Variants in SH3TC2 observed in about 807,000 individuals in gnomAD.
SH3TC2 encodes SH3 domain and tetratricopeptide repeats 2, also known as SH3 domain and tetratricopeptide repeat-containing protein 2.
A neutral mutation model predicts 124.5 loss-of-function variants in SH3TC2; 87 were observed. The ratio of observed to expected loss-of-function variants is 0.70; its 90% CI spans 0.59 to 0.84. The LOEUF is 0.84. Ranked by LOEUF, SH3TC2 falls within the 40% of genes least tolerant of loss-of-function variation. The pLI is 0.00. For missense variants in SH3TC2, 1,536 were observed against 1,566.4 expected, an observed-to-expected ratio of 0.98 and a Z score of 0.33; for synonymous variants, 634 against 628.5, an observed-to-expected ratio of 1.01 and a Z score of -0.13.
intron 8 of SH3TC2, among the ~76,000 whole-genome samples, chr5:149,037,187 C>T (rs190661002): frequency 6.6e-6 from 1 of 152,180 alleles, no homozygotes; most frequent in Non-Finnish European, 1.5e-5. Context: ...CAAGCACTGA[C>T]TCACTTTCCT....
chr5:149,027,177 A>ACCCG lies in SH3TC2; in HGVS notation c.2551_2554dup (p.Val852AlafsTer24), dbSNP rs1754081385. 1.9e-6 allele frequency: 3 copies of ACCCG among 1,614,100 alleles called. No homozygotes were observed. The highest frequency in any genetic ancestry group is 2.5e-6 in the Non-Finnish European group (3 of 1,180,006). ...AAGATAGCTCTTGGCTGCCCTGTTC[A>ACCCG]CCCGGCCTTCACCTTGGAGTGCAAG... On this transcript the variant is annotated frameshift_variant, in exon 11 of 17. Transcript: ENST00000515425. LOFTEE classifies it high-confidence loss of function.
At chr5:149,062,910 G>C in intron 1 of SH3TC2, 61 bp downstream of exon 1, 1 of 1,494,226 alleles carries the variant, frequency 6.7e-7, no homozygotes, top group East Asian at 2.4e-5. Flanking sequence ...AGGTCCCTGA[G>C]CCTCTACTGG....
chr5:148,993,282 T>G lies in SH3TC2; in HGVS notation c.*11429A>C, dbSNP rs1039805332. Among the ~76,000 whole-genome samples, 4 of 152,168 alleles carry G rather than the reference T, an allele frequency of 2.6e-5. No homozygotes were observed. The highest frequency in any genetic ancestry group is 9.7e-5 in the African/African-American group (4 of 41,444). ...AAATTTGACTTAGTAGAAATAAAAC[T>G]ACGATGGAAAATTCAGTGGCAGAAG... On this transcript the variant is annotated 3_prime_UTR_variant, in exon 17 of 17. Transcript: ENST00000515425.
Position 148,995,612 on chromosome 5 carries a change from G to A in SH3TC2, c.*9099C>T, listed in dbSNP as rs908042849. On this transcript the variant is annotated 3_prime_UTR_variant, in exon 17 of 17. Transcript: ENST00000515425. ...CTCAATCACTCATGAGCAATAAGTAGTTATATTATAGTTTTAAAACTTTCT... is the reference window on the plus strand; with the variant it reads ...CTCAATCACTCATGAGCAATAAGTAATTATATTATAGTTTTAAAACTTTCT... 7.2e-5 allele frequency among the ~76,000 whole-genome samples: 11 copies of A among 152,170 alleles called. No homozygotes were observed. Among genetic ancestry groups the A allele is most frequent in the African/African-American group, 2.7e-4 (11 of 41,436 alleles).
chr5:149,049,955 T>C (rs1754529029), intron 2 of SH3TC2, among the ~76,000 whole-genome samples: 1 of 152,202 alleles, frequency 6.6e-6, no homozygotes, highest in Non-Finnish European at 1.5e-5. Context: ...TGATCATGAC[T>C]ATTAACCTTG....
In SH3TC2 at chr5:148,996,567, G is replaced by A. The variant is rs1302495025; in HGVS notation, c.*8144C>T. 6.6e-6 allele frequency among the ~76,000 whole-genome samples: 1 copy of A among 152,134 alleles called. No homozygotes were observed. The highest frequency in any genetic ancestry group is 6.5e-5 in the Admixed American group (1 of 15,280). On this transcript the variant is annotated 3_prime_UTR_variant, in exon 17 of 17. Transcript: ENST00000515425. Reference sequence around the variant, plus strand: ...ACCACGCAGCTGTTATTTCAGCCTAGCCCGTGGCAGCTCCCCTGAGGAGGA... The same window carrying A: ...ACCACGCAGCTGTTATTTCAGCCTAACCCGTGGCAGCTCCCCTGAGGAGGA...
In SH3TC2 at chr5:148,988,001, C is replaced by T. The variant is rs1016422956; in HGVS notation, c.*16710G>A. Reference sequence around the variant, plus strand: ...CAAGGAAGTGCCGAGAATGCTGTTGCACCTCCTCTGGCCAAGGACAGAGAG... The same window carrying T: ...CAAGGAAGTGCCGAGAATGCTGTTGTACCTCCTCTGGCCAAGGACAGAGAG... On this transcript the variant is annotated 3_prime_UTR_variant, in exon 17 of 17. Transcript: ENST00000515425. Among the ~76,000 whole-genome samples the T allele has an allele frequency of 6.6e-6, 1 of 152,154 alleles. No individual in the cohort carries two copies. The highest frequency in any genetic ancestry group is 6.5e-5 in the Admixed American group (1 of 15,270).
In SH3TC2 at chr5:149,004,431, GGAGAAAGTGCTTTTCA is replaced by G; in HGVS notation, c.*264_*279del. 1 of 451,796 alleles carries G rather than the reference GGAGAAAGTGCTTTTCA, an allele frequency of 2.2e-6. No homozygotes were observed. Among genetic ancestry groups the G allele is most frequent in the Non-Finnish European group, 4.0e-6 (1 of 250,360 alleles). The allele number at this position is 451,796 out of a possible 1,614,324, so 28.0% of individuals were successfully genotyped here. The stretch of plus-strand genomic sequence containing the variant: ...CCTCATCTTCTCCAGAATTATGTAT[GGAGAAAGTGCTTTTCA>G]GAGGCTGTTTGTGTGGAAGGCAACA... On this transcript the variant is annotated 3_prime_UTR_variant, in exon 17 of 17. Transcript: ENST00000515425.
In SH3TC2 at chr5:149,006,265, A is replaced by C. The variant is rs563316888; in HGVS notation, c.3675+616T>G. 495 of 166,346 alleles carry C rather than the reference A, an allele frequency of 3.0e-3. 3 individuals are homozygous for C. Among genetic ancestry groups the C allele is most frequent in the Non-Finnish European group, 5.2e-3 (398 of 76,170 alleles). 10.3% of individuals were successfully genotyped at this position (166,346 alleles called of 1,614,324 possible). A position where few individuals can be genotyped will look rare whatever the true frequency, so the allele number is the denominator to read the frequency against. On this transcript the variant is annotated intron_variant, in intron 16 of 16. Transcript: ENST00000515425. Reference sequence around the variant, plus strand: ...CACAGCAAGACCCTGTCCCAAAAAAAAAGCAAGCAAGCAAAAAAAGAAGTT... The same window carrying C: ...CACAGCAAGACCCTGTCCCAAAAAACAAGCAAGCAAGCAAAAAAAGAAGTT...
chr5:149,003,094 A>G lies in SH3TC2; in HGVS notation c.*1617T>C, dbSNP rs1385728138. 6.6e-6 allele frequency: 1 copy of G among 152,338 alleles called. No homozygotes were observed. The highest frequency in any genetic ancestry group is 1.5e-5 in the Non-Finnish European group (1 of 68,044). The allele number at this position is 152,338 out of a possible 1,614,324, so 9.4% of individuals were successfully genotyped here. ...ACCATATTTTCAGTTTGCTGAAATTAGAGAATTCCCAATTTCATTATCAAA... is the reference window on the plus strand; with the variant it reads ...ACCATATTTTCAGTTTGCTGAAATTGGAGAATTCCCAATTTCATTATCAAA... On this transcript the variant is annotated 3_prime_UTR_variant, in exon 17 of 17. Coordinates refer to ENST00000515425, the MANE Select transcript of SH3TC2 (RefSeq NM_024577.4).
intron 3 of SH3TC2, chr5:149,046,072 C>G: frequency 3.5e-6 from 1 of 286,496 alleles, no homozygotes; most frequent in South Asian, 2.8e-5. Context: ...GAACATCCCT[C>G]CACCAGGCCA....
At position 149,042,772 on chromosome 5, in the gene SH3TC2, C is replaced by T. The variant is rs751324906; in HGVS notation, c.451G>A (p.Val151Met). 6 of 1,614,162 alleles carry T rather than the reference C, an allele frequency of 3.7e-6. No homozygotes were observed. Among genetic ancestry groups the T allele is most frequent in the Non-Finnish European group, 5.1e-6 (6 of 1,180,020 alleles). The stretch of plus-strand genomic sequence containing the variant: ...GACACTTGGATCTCTGTATCCTCCA[C>T]CAATATGCAGTTGAGCCAGTACTTG... Reference protein sequence around the residue: ...DHKYWLNCILVEDTEIQVSVD... With the variant: ...DHKYWLNCILMEDTEIQVSVD... The change falls in exon 5 of 17, where the codon GTG becomes ATG. Residue 151 changes from valine (V) to methionine (M), a missense_variant. This residue lies in a region of SH3TC2 where 1,102 missense variants were observed against 1,098.6 expected (regional missense o/e 1.00). Coordinates refer to ENST00000515425, the MANE Select transcript of SH3TC2 (RefSeq NM_024577.4).
intron 13 of SH3TC2, among the ~76,000 whole-genome samples, chr5:149,010,937 C>T (rs1018194513): frequency 6.6e-6 from 1 of 152,228 alleles, no homozygotes; most frequent in Non-Finnish European, 1.5e-5. Flanking sequence ...GAAAACAGAA[C>T]CTCCCCAGCT....
In SH3TC2 at chr5:149,044,649, G is replaced by GA; in HGVS notation, c.280-12dup. On this transcript the variant is annotated splice_polypyrimidine_tract_variant and intron_variant, in intron 3 of 16. Coordinates refer to ENST00000515425, the MANE Select transcript of SH3TC2 (RefSeq NM_024577.4). ...CCTTGCTGAGAGGTCCTACGTAAAG[G>GA]AAACAATGAGTCAGCCTGGGATGAC... The GA allele has an allele frequency of 6.2e-7, 1 of 1,604,458 alleles. No individual in the cohort carries two copies. The highest frequency in any genetic ancestry group is 8.5e-7 in the Non-Finnish European group (1 of 1,171,238).
intron 8 of SH3TC2, 54 bp downstream of exon 8, chr5:149,038,241 G>A: frequency 6.3e-7 from 1 of 1,583,990 alleles, no homozygotes; most frequent in Non-Finnish European, 8.7e-7. Flanking sequence ...AAGAGGGGAG[G>A]GAACCCTGGG....
Position 148,986,051 on chromosome 5 carries a change from G to T in SH3TC2, c.*18660C>A. On this transcript the variant is annotated 3_prime_UTR_variant, in exon 17 of 17. Transcript: ENST00000515425. Reference sequence around the variant, plus strand: ...AATCTTGGTGTTTAAAAGGAAATTAGAACTCATTAGTTCAACTTCTTTAAG... The same window carrying T: ...AATCTTGGTGTTTAAAAGGAAATTATAACTCATTAGTTCAACTTCTTTAAG... Among the ~76,000 whole-genome samples, 1 of 152,114 alleles carries T rather than the reference G, an allele frequency of 6.6e-6. No homozygotes were observed. Among genetic ancestry groups the T allele is most frequent in the East Asian group, 1.9e-4 (1 of 5,198 alleles).
At chr5:149,044,261 A>G in intron 4 of SH3TC2, 1 of 407,922 alleles carries the variant, frequency 2.5e-6, no homozygotes. Flanking sequence ...TAGATGACCA[A>G]TAACTGTTTT....
Position 149,028,289 on chromosome 5 carries a change from G to A in SH3TC2, c.1443C>T (p.Asp481=), listed in dbSNP as rs146666910. ...LAFLDHEGYA[D]HFKSLYDFSF... ...AGAAGTCATAGAGACTCTTAAAGTG[G>A]TCAGCATAACCCTCATGATCCAGAA... is the stretch of plus-strand genomic sequence containing the variant. Residue 481 remains aspartate (D), a synonymous_variant, in exon 11 of 17, where the codon GAC becomes GAT. Coordinates refer to ENST00000515425, the MANE Select transcript of SH3TC2 (RefSeq NM_024577.4). The A allele has an allele frequency of 5.7e-4, 913 of 1,613,952 alleles. 1 individual carries two copies. Among genetic ancestry groups the A allele is most frequent in the Non-Finnish European group, 7.2e-4 (847 of 1,180,036 alleles).
At chr5:149,010,151 A>T in intron 14 of SH3TC2, 119 bp downstream of exon 14, 2 of 1,427,202 alleles carry the variant, frequency 1.4e-6, no homozygotes, top group Non-Finnish European at 2.0e-6. Context: ...TGGACAAGAA[A>T]GAGAGAAAAA....
Sources: allele counts gnomAD v4.1 joint callset (sites outside exome capture counted in the v4.1 genomes callset), GRCh38; gene constraint gnomAD v4.1.1; regional missense constraint gnomAD v4.1.1; transcripts MANE v1.5; gene names NCBI Gene and HGNC (gene_info 2026-07-23, HGNC 2026-07-21).